AVEN: variants seen among roughly 807,000 people sequenced by gnomAD.
AVEN encodes the protein apoptosis and caspase activation inhibitor.
A neutral mutation model predicts 38.1 loss-of-function variants in AVEN; 41 were observed. That is an observed-to-expected ratio of 1.08 (90% confidence interval 0.84 to 1.40). The LOEUF (loss-of-function observed/expected upper bound fraction) is 1.40. Among genes scored for constraint, AVEN ranks in the 40% most tolerant of loss-of-function variants. The probability of loss-of-function intolerance (pLI) is 0.00; values close to 1 mark genes in which losing one functional copy is unlikely to be tolerated. For missense variants in AVEN, 605 were observed against 438.8 expected (o/e 1.38, Z -3.38); for synonymous variants, 206 against 171.8 (o/e 1.20, Z -1.56).
the AVEN span, chr15:33,853,007 A>T: frequency 6.4e-7 from 1 of 1,569,490 alleles, no homozygotes; most frequent in Non-Finnish European, 8.7e-7. Flanking sequence ...CCTTGATGTT[A>T]AGAATGAAGA....
chr15:33,975,095 G>T (rs1895827337), intron 2 of AVEN, among the ~76,000 whole-genome samples: 1 of 152,168 alleles, frequency 6.6e-6, no homozygotes, highest in South Asian at 2.1e-4. Flanking sequence ...GAGCAGATCT[G>T]CCCTGGTTGG....
At chr15:33,921,689 G>A (rs1421967837) in intron 2 of AVEN, among the ~76,000 whole-genome samples, 9 of 152,206 alleles carry the variant, frequency 5.9e-5, no homozygotes, top group Non-Finnish European at 1.0e-4. Flanking sequence ...GAGGGTTTGA[G>A]CATCAGAAAG....
intron 2 of AVEN, among the ~76,000 whole-genome samples, chr15:33,948,222 G>A (rs1390405126): frequency 1.3e-5 from 2 of 151,034 alleles, no homozygotes; most frequent in African/African-American, 4.9e-5. Context: ...TCGCCCTCCT[G>A]AGTAGCTGGA....
intron 5 of AVEN, 74 bp downstream of exon 5, chr15:33,867,421 A>G: frequency 6.6e-7 from 1 of 1,516,386 alleles, no homozygotes; most frequent in Middle Eastern, 2.1e-4. Flanking sequence ...ATGTGTGCGG[A>G]TGTGATGCGG....
rs1897197736 is a variant in AVEN, at chr15:34,003,028, A to G, written c.445+4T>C. The G allele has an allele frequency of 6.2e-7, 1 of 1,608,016 alleles. No individual in the cohort carries two copies. Among genetic ancestry groups the G allele is most frequent in the South Asian group, 1.1e-5 (1 of 90,400 alleles). On this transcript the variant is annotated splice_donor_region_variant and intron_variant, in intron 2 of 5. Transcript: ENST00000306730. ...AACAGTATGCATGCAACTGGAATTC[A>G]TACCTGCAGAGCTAAGGAGGACACT... is the stretch of plus-strand genomic sequence containing the variant.
At chr15:34,042,971 G>C (rs1466771265), upstream of AVEN, among the ~76,000 whole-genome samples, 2 of 152,172 alleles carry the variant, frequency 1.3e-5, no homozygotes, top group East Asian at 3.9e-4. Flanking sequence ...GGATTGGCCA[G>C]GCGCGGTGGC....
chr15:34,043,129 C>T (rs1174240763), upstream of AVEN, among the ~76,000 whole-genome samples: 4 of 152,048 alleles, frequency 2.6e-5, no homozygotes, highest in South Asian at 6.2e-4. Flanking sequence ...CGCCTGTAGT[C>T]CCAGCTACTT....
intron 2 of AVEN, among the ~76,000 whole-genome samples, 187 bp downstream of exon 2, chr15:34,002,845 C>A (rs1242920059): frequency 1.3e-5 from 2 of 152,134 alleles, no homozygotes; most frequent in Non-Finnish European, 2.9e-5. Flanking sequence ...ACATGGAAAC[C>A]CTTACTTCCA....
At position 33,866,613 on chromosome 15, in the gene AVEN, T is replaced by G; in HGVS notation, c.1089A>C (p.Ter363TyrextTer15). ...LEDWLDSMIS[*>Y] ...GCTTCAGGCACTTTTTTTCCCCTTT[T>G]TAGGAAATCATGCTGTCCAACCAGT... The change falls in exon 6 of 6, where the codon TAA (stop) becomes TAC (tyrosine). Residue 363 changes from the stop codon to tyrosine (Y), a stop_lost. Coordinates refer to ENST00000306730, the MANE Select transcript of AVEN (RefSeq NM_020371.3). 6.2e-7 allele frequency: 1 copy of G among 1,612,358 alleles called. No homozygotes were observed. Among genetic ancestry groups the G allele is most frequent in the African/African-American group, 1.3e-5 (1 of 74,960 alleles).
At chr15:34,019,039 G>A (rs180948502) in intron 1 of AVEN, among the ~76,000 whole-genome samples, 215 of 151,082 alleles carry the variant, frequency 1.4e-3, no homozygotes, top group Non-Finnish European at 2.5e-3. Flanking sequence ...TGATTGGTGC[G>A]TTTTTTTTAC....
intron 2 of AVEN, among the ~76,000 whole-genome samples, chr15:33,884,945 C>G (rs932723115): frequency 2.0e-5 from 3 of 152,178 alleles, no homozygotes; most frequent in Non-Finnish European, 4.4e-5. Context: ...TATAATTGAC[C>G]TGAATCTTTG....
chr15:33,924,353 G>A (rs1240226487), intron 2 of AVEN, among the ~76,000 whole-genome samples: 1 of 78,476 alleles, frequency 1.3e-5, no homozygotes, highest in Non-Finnish European at 3.2e-5. Context: ...CTAGGTGACA[G>A]AGCGAGACTG....
In AVEN at chr15:34,006,389, T is replaced by C. The variant is rs753203; in HGVS notation, c.268-3180A>G. On this transcript the variant is annotated intron_variant, in intron 1 of 5. Transcript: ENST00000306730. Reference sequence around the variant, plus strand: ...AGCTGAAAACACCAGCAGGGTTTTGTCTGGGAAAATTCAATATTCTTTTGT... The same window carrying C: ...AGCTGAAAACACCAGCAGGGTTTTGCCTGGGAAAATTCAATATTCTTTTGT... Among the ~76,000 whole-genome samples, 433 of 152,064 alleles carry C rather than the reference T, an allele frequency of 2.8e-3. 1 individual carries two copies. The highest frequency in any genetic ancestry group is 5.3e-3 in the Non-Finnish European group (362 of 68,000).
intron 2 of AVEN, among the ~76,000 whole-genome samples, chr15:33,938,857 G>T (rs924939599): frequency 6.6e-6 from 1 of 151,964 alleles, no homozygotes; most frequent in African/African-American, 2.4e-5. Context: ...GGGGATTGGC[G>T]GGGGGCAGAG....
At chr15:33,957,148 T>C (rs1042157652) in intron 2 of AVEN, among the ~76,000 whole-genome samples, 1 of 152,238 alleles carries the variant, frequency 6.6e-6, no homozygotes, top group Non-Finnish European at 1.5e-5. Flanking sequence ...GGCTAATATA[T>C]GGTAAGTGCT....
In AVEN at chr15:33,953,552, G is replaced by T. The variant is rs150919062; in HGVS notation, c.445+49480C>A. ...AAGCAATGGGGAAAGGATTCCCTAT[G>T]TAATAAATGGTGCTGGTAAAACTGG... On this transcript the variant is annotated intron_variant, in intron 2 of 5. Coordinates refer to ENST00000306730, the MANE Select transcript of AVEN (RefSeq NM_020371.3). Among the ~76,000 whole-genome samples the T allele has an allele frequency of 5.1e-3, 782 of 152,038 alleles. 6 individuals are homozygous for T. The highest frequency in any genetic ancestry group is 0.019 in the East Asian group (100 of 5,168).
At chr15:33,933,964 C>G (rs937815094) in intron 2 of AVEN, among the ~76,000 whole-genome samples, 2 of 152,084 alleles carry the variant, frequency 1.3e-5, no homozygotes, top group African/African-American at 2.4e-5. Context: ...GTCTCACACA[C>G]AGACACATAC....
chr15:33,883,385 A>T (rs1891572043), intron 2 of AVEN, among the ~76,000 whole-genome samples: 1 of 152,184 alleles, frequency 6.6e-6, no homozygotes, highest in Non-Finnish European at 1.5e-5. Context: ...CCATTTTACA[A>T]CAATGATATT....
intron 2 of AVEN, among the ~76,000 whole-genome samples, chr15:33,898,205 G>C (rs1484037537): frequency 1.3e-5 from 2 of 152,052 alleles, no homozygotes; most frequent in Non-Finnish European, 2.9e-5. Flanking sequence ...AAACAAAACA[G>C]CTGAATGACT....
Sources: gnomAD v4.1 joint callset for allele counts (sites outside exome capture counted in the v4.1 genomes callset) on GRCh38, gnomAD v4.1.1 for gene constraint, MANE v1.5 for transcripts, NCBI Gene and HGNC (gene_info 2026-07-23, HGNC 2026-07-21) for gene names.